Variants in SMCO2 observed in about 807,000 individuals in gnomAD.
The protein encoded by SMCO2 is single-pass membrane protein with coiled-coil domains 2, also known as single-pass membrane and coiled-coil domain-containing protein 2.
SMCO2 carries 25 observed loss-of-function variants against 29.5 expected under a neutral mutation model. That is an observed-to-expected ratio of 0.85 (90% CI 0.62 to 1.18). SMCO2 has a LOEUF of 1.18. Among genes scored for constraint, SMCO2 ranks in the 50% most tolerant of loss-of-function variants. The probability of loss-of-function intolerance (pLI) is 0.00; values close to 1 mark genes in which losing one functional copy is unlikely to be tolerated. For synonymous variants in SMCO2, 117 were observed against 123.3 expected (o/e 0.95, Z 0.34); for missense variants, 348 against 344.5 (o/e 1.01, Z -0.08).
chr12:27,489,582 G>A (rs1949718454), intron 5 of SMCO2, among the ~76,000 whole-genome samples: 1 of 152,158 alleles, frequency 6.6e-6, no homozygotes, highest in South Asian at 2.1e-4. Context: ...CAGTAAAAGA[G>A]AAAATTCTCT....
chr12:27,473,018 C>A, intron 3 of SMCO2, 143 bp downstream of exon 3: 1 of 636,352 alleles, frequency 1.6e-6, no homozygotes, highest in Non-Finnish European at 2.7e-6. Context: ...AGCTTGAAAT[C>A]AGGAGGGAGG....
At chr12:27,455,114 G>C in the SMCO2 span, among the ~76,000 whole-genome samples, 1 of 152,216 alleles carries the variant, frequency 6.6e-6, no homozygotes, top group Non-Finnish European at 1.5e-5. Context: ...TCAGGCCAGA[G>C]CTGGGTTCTG....
At chr12:27,451,961 A>G in the SMCO2 span, among the ~76,000 whole-genome samples, 7 of 152,178 alleles carry the variant, frequency 4.6e-5, no homozygotes, top group African/African-American at 1.4e-4. Context: ...CACCTTATAT[A>G]TCCCTCTCTG....
chr12:27,450,185 G>C, the SMCO2 span, among the ~76,000 whole-genome samples: 1 of 152,110 alleles, frequency 6.6e-6, no homozygotes, highest in African/African-American at 2.4e-5. Context: ...GGTCACACCT[G>C]GTCACCAAAA....
the SMCO2 span, among the ~76,000 whole-genome samples, chr12:27,436,338 T>C: frequency 3.5e-5 from 5 of 144,884 alleles, no homozygotes; most frequent in Admixed American, 2.7e-4. Flanking sequence ...TTTTACCTTA[T>C]TAATACTGCA....
the SMCO2 span, among the ~76,000 whole-genome samples, chr12:27,451,060 A>T: frequency 2.6e-5 from 4 of 152,270 alleles, no homozygotes; most frequent in African/African-American, 9.6e-5. Context: ...CATGTAAATA[A>T]TAGAAAGATA....
At chr12:27,455,976 G>A in the SMCO2 span, among the ~76,000 whole-genome samples, 195 of 152,348 alleles carry the variant, frequency 1.3e-3, 1 homozygote, top group East Asian at 0.035. Flanking sequence ...TCGGGAGGCC[G>A]AGGTGGGTGG....
chr12:27,473,013 G>A, intron 3 of SMCO2, 138 bp downstream of exon 3: 1 of 646,302 alleles, frequency 1.5e-6, no homozygotes, highest in Non-Finnish European at 2.6e-6. Context: ...TTCAAAGCTT[G>A]AAATCAGGAG....
Position 27,477,405 on chromosome 12 carries a change from G to A in SMCO2, c.362+2492G>A, listed in dbSNP as rs143769116. On this transcript the variant is annotated intron_variant, in intron 4 of 7. Transcript: ENST00000298876. ...TTGATTTTGACAGTTTGCCTGTCAT[G>A]AGCCTTGGAGAAGACTTTTTTGATA... Among the ~76,000 whole-genome samples, 285 of 151,872 alleles carry A rather than the reference G, an allele frequency of 1.9e-3. 1 individual carries two copies. Among genetic ancestry groups the A allele is most frequent in the African/African-American group, 6.4e-3 (264 of 41,494 alleles).
At chr12:27,455,421 G>A in the SMCO2 span, among the ~76,000 whole-genome samples, 1 of 152,100 alleles carries the variant, frequency 6.6e-6, no homozygotes, top group Non-Finnish European at 1.5e-5. Flanking sequence ...CATTTTCTGG[G>A]TCAAAAGATA....
the SMCO2 span, among the ~76,000 whole-genome samples, chr12:27,452,234 T>C: frequency 6.6e-6 from 1 of 152,210 alleles, no homozygotes; most frequent in African/African-American, 2.4e-5. Context: ...CAAGTGCAAC[T>C]TTGTTACAGG....
the SMCO2 span, among the ~76,000 whole-genome samples, chr12:27,428,781 C>T: frequency 6.9e-6 from 1 of 143,918 alleles, no homozygotes; most frequent in African/African-American, 2.6e-5. Context: ...AAACCTGTTA[C>T]ATTTTACCTT....
intron 4 of SMCO2, among the ~76,000 whole-genome samples, chr12:27,479,649 A>C (rs1949623297): frequency 6.6e-6 from 1 of 152,148 alleles, no homozygotes; most frequent in South Asian, 2.1e-4. Context: ...AGTGGGAGGT[A>C]ACTGAATCAT....
chr12:27,462,176 A>G (rs927582683), upstream of SMCO2, among the ~76,000 whole-genome samples: 1 of 152,184 alleles, frequency 6.6e-6, no homozygotes, highest in Admixed American at 6.5e-5. Flanking sequence ...GAAGCCCTGT[A>G]GGAACTACCT....
intron 4 of SMCO2, among the ~76,000 whole-genome samples, chr12:27,478,020 A>G (rs1212354865): frequency 6.6e-6 from 1 of 152,080 alleles, no homozygotes; most frequent in Non-Finnish European, 1.5e-5. Context: ...ATCTGGTGTA[A>G]TAGTCACTTC....
chr12:27,493,124 C>G (rs192570073), intron 5 of SMCO2, among the ~76,000 whole-genome samples: 1 of 152,064 alleles, frequency 6.6e-6, no homozygotes, highest in East Asian at 1.9e-4. Context: ...AAGTGGGAGC[C>G]AAATGATGAG....
At chr12:27,450,469 T>C in the SMCO2 span, among the ~76,000 whole-genome samples, 1 of 152,208 alleles carries the variant, frequency 6.6e-6, no homozygotes, top group Non-Finnish European at 1.5e-5. Context: ...CCAACACTAG[T>C]AAGGCTAGGA....
the SMCO2 span, among the ~76,000 whole-genome samples, chr12:27,428,228 G>A: frequency 6.6e-6 from 1 of 152,172 alleles, no homozygotes; most frequent in African/African-American, 2.4e-5. Flanking sequence ...CAGGCAAGGA[G>A]TGGTTTTGTT....
intron 4 of SMCO2, among the ~76,000 whole-genome samples, chr12:27,480,706 C>T (rs879787912): frequency 2.0e-5 from 3 of 151,536 alleles, no homozygotes; most frequent in Non-Finnish European, 1.5e-5. Context: ...ACCTCTCCCC[C>T]CCCTCTCTCT....
Sources: allele counts gnomAD v4.1 joint callset (sites outside exome capture counted in the v4.1 genomes callset), GRCh38; gene constraint gnomAD v4.1.1; transcripts MANE v1.5; gene names NCBI Gene and HGNC (gene_info 2026-07-23, HGNC 2026-07-21).